The following PCDH9 variants were observed in gnomAD, a reference collection of about 807,000 sequenced individuals.
PCDH9 encodes protocadherin-9.
PCDH9 carries 24 observed loss-of-function variants against 70.6 expected under a neutral mutation model. That is an observed-to-expected ratio of 0.34 (90% CI 0.25 to 0.48). PCDH9 has a LOEUF of 0.48. Among genes scored for constraint, PCDH9 ranks in the 20% least tolerant of loss-of-function variants. The pLI is 0.99. For synonymous variants in PCDH9, 562 were observed against 558.5 expected (o/e 1.01, Z -0.09); for missense variants, 1,281 against 1,503.6 (o/e 0.85, Z 2.45).
chr13:66,450,992 G>A (rs1594001146), intron 4 of PCDH9, among the ~76,000 whole-genome samples: 2 of 152,128 alleles, frequency 1.3e-5, no homozygotes, highest in Non-Finnish European at 1.5e-5. Flanking sequence ...ACTCCAGCCT[G>A]GGCAACAGAG....
At chr13:66,528,487 C>T (rs1416555290) in intron 4 of PCDH9, among the ~76,000 whole-genome samples, 1 of 152,128 alleles carries the variant, frequency 6.6e-6, no homozygotes, top group African/African-American at 2.4e-5. Flanking sequence ...GTGTAATTTT[C>T]AGCAGTACAG....
At chr13:66,839,508 C>T (rs995898782) in intron 3 of PCDH9, among the ~76,000 whole-genome samples, 2 of 152,226 alleles carry the variant, frequency 1.3e-5, no homozygotes, top group African/African-American at 4.8e-5. Context: ...AAACGTCTTC[C>T]TGTGCGATGG....
chr13:66,648,733 A>G (rs1336892448), intron 3 of PCDH9, among the ~76,000 whole-genome samples: 2 of 152,146 alleles, frequency 1.3e-5, no homozygotes, highest in Non-Finnish European at 2.9e-5. Context: ...AAACTAAAAA[A>G]GGCATCAAGG....
At chr13:66,907,344 C>A (rs1594241054) in intron 2 of PCDH9, among the ~76,000 whole-genome samples, 1 of 152,152 alleles carries the variant, frequency 6.6e-6, no homozygotes, top group East Asian at 1.9e-4. Context: ...TTGGGGGGTA[C>A]ATATGTAAAT....
chr13:66,893,804 TC>T (rs1286153865), intron 3 of PCDH9, among the ~76,000 whole-genome samples: 2 of 152,176 alleles, frequency 1.3e-5, no homozygotes, highest in Non-Finnish European at 2.9e-5. Context: ...TGCCATTGTT[TC>T]CTCATGCTAT....
At chr13:66,769,550 A>C (rs1298516568) in intron 3 of PCDH9, among the ~76,000 whole-genome samples, 3 of 151,978 alleles carry the variant, frequency 2.0e-5, no homozygotes, top group African/African-American at 7.3e-5. Flanking sequence ...TGTGGTTACA[A>C]TTCTATCAAC....
chr13:66,771,368 C>G (rs1253552323), intron 3 of PCDH9, among the ~76,000 whole-genome samples: 1 of 152,038 alleles, frequency 6.6e-6, no homozygotes, highest in East Asian at 1.9e-4. Context: ...TTCTTCCTTC[C>G]TTCTAATCTT....
intron 4 of PCDH9, among the ~76,000 whole-genome samples, chr13:66,554,394 T>C (rs989049201): frequency 1.3e-5 from 2 of 152,124 alleles, no homozygotes. Context: ...GTTTTAAAAA[T>C]AATAAGTTTT....
intron 3 of PCDH9, among the ~76,000 whole-genome samples, chr13:66,725,268 A>T (rs2078991422): frequency 6.6e-6 from 1 of 152,134 alleles, no homozygotes; most frequent in African/African-American, 2.4e-5. Context: ...ACCATTACCT[A>T]CTTGGTTGAT....
At chr13:66,437,095 C>T (rs1345809866) in intron 4 of PCDH9, among the ~76,000 whole-genome samples, 3 of 151,114 alleles carry the variant, frequency 2.0e-5, no homozygotes, top group African/African-American at 4.9e-5. Flanking sequence ...TATGGACAAT[C>T]CTACAGTTCT....
intron 3 of PCDH9, among the ~76,000 whole-genome samples, chr13:66,674,743 T>C (rs539042766): frequency 3.3e-4 from 50 of 152,248 alleles, no homozygotes; most frequent in African/African-American, 1.2e-3. Context: ...ATGTCTTTAA[T>C]GTAATTCAGT....
At chr13:67,149,079 C>T (rs535230673) in intron 2 of PCDH9, among the ~76,000 whole-genome samples, 1 of 152,268 alleles carries the variant, frequency 6.6e-6, no homozygotes, top group East Asian at 1.9e-4. Flanking sequence ...CTGCTCTAAC[C>T]TACTACATGG....
intron 2 of PCDH9, among the ~76,000 whole-genome samples, chr13:67,143,334 A>G (rs1459447819): frequency 6.6e-6 from 1 of 152,136 alleles, no homozygotes; most frequent in African/African-American, 2.4e-5. Context: ...AGGAACTAAT[A>G]ATTCATAAAC....
At chr13:67,098,464 G>A (rs2086366604) in intron 2 of PCDH9, among the ~76,000 whole-genome samples, 1 of 152,064 alleles carries the variant, frequency 6.6e-6, no homozygotes, top group Admixed American at 6.6e-5. Context: ...CAAAGTCTCT[G>A]AAATTGTGTC....
chr13:67,059,693 T>G (rs776607962), intron 2 of PCDH9, among the ~76,000 whole-genome samples: 19 of 151,568 alleles, frequency 1.3e-4, no homozygotes, highest in Non-Finnish European at 2.2e-4. Flanking sequence ...CTTAACAGAG[T>G]AAACCGTCTT....
intron 4 of PCDH9, among the ~76,000 whole-genome samples, chr13:66,614,279 G>A (rs1319708513): frequency 6.6e-6 from 1 of 152,140 alleles, no homozygotes; most frequent in East Asian, 1.9e-4. Context: ...AGTAAGTGGT[G>A]GAAGAATTGT....
intron 2 of PCDH9, among the ~76,000 whole-genome samples, chr13:66,963,620 C>G (rs969024550): frequency 6.6e-6 from 1 of 152,048 alleles, no homozygotes; most frequent in Non-Finnish European, 1.5e-5. Context: ...CCCCTTTTCC[C>G]GTTTAAATAA....
intron 4 of PCDH9, among the ~76,000 whole-genome samples, chr13:66,354,903 G>A (rs1413848664): frequency 6.6e-6 from 1 of 151,846 alleles, no homozygotes; most frequent in Non-Finnish European, 1.5e-5. Context: ...TATATTCCAG[G>A]GCTTGTATTT....
intron 2 of PCDH9, among the ~76,000 whole-genome samples, chr13:67,042,537 G>T (rs1216855349): frequency 6.6e-6 from 1 of 152,056 alleles, no homozygotes; most frequent in Admixed American, 6.6e-5. Context: ...CTGGCCATGG[G>T]TTATCACAAA....
Sources: gnomAD v4.1 joint callset for allele counts (sites outside exome capture counted in the v4.1 genomes callset) on GRCh38, gnomAD v4.1.1 for gene constraint, MANE v1.5 for transcripts, NCBI Gene and HGNC (gene_info 2026-07-23, HGNC 2026-07-21) for gene names.